The following GLCCI1 variants were observed in gnomAD, a reference collection of about 807,000 sequenced individuals.
The protein encoded by GLCCI1 is glucocorticoid-induced transcript 1 protein.
Under a neutral mutation model 52.2 loss-of-function variants are expected in GLCCI1, and 24 were observed. The ratio of observed to expected loss-of-function variants is 0.46; its 90% CI spans 0.33 to 0.65. The LOEUF (loss-of-function observed/expected upper bound fraction) is 0.65. Among genes scored for constraint, GLCCI1 ranks in the 30% least tolerant of loss-of-function variants. The pLI, the probability that GLCCI1 is intolerant of heterozygous loss-of-function variation, is 0.02. For synonymous variants in GLCCI1, 310 were observed against 276.5 expected (o/e 1.12, Z -1.20); for missense variants, 704 against 701.5 (o/e 1.00, Z -0.04).
chr7:7,993,273 T>A (rs1008633861), intron 1 of GLCCI1, among the ~76,000 whole-genome samples: 1 of 152,272 alleles, frequency 6.6e-6, no homozygotes, highest in African/African-American at 2.4e-5. Flanking sequence ...TCTTCTTGTT[T>A]TTGTAAAATG....
chr7:8,000,196 T>G (rs1347467456), intron 1 of GLCCI1, among the ~76,000 whole-genome samples: 1 of 152,222 alleles, frequency 6.6e-6, no homozygotes, highest in African/African-American at 2.4e-5. Context: ...GGAAGGAATT[T>G]AAAGTAAACT....
intron 1 of GLCCI1, among the ~76,000 whole-genome samples, chr7:7,984,824 C>G (rs1198637097): frequency 1.3e-5 from 2 of 152,128 alleles, no homozygotes; most frequent in African/African-American, 4.8e-5. Context: ...TTTTACAATT[C>G]TGAGGAATGT....
chr7:8,048,573 AGTT>A (rs1217222309), intron 3 of GLCCI1, among the ~76,000 whole-genome samples: 2 of 152,134 alleles, frequency 1.3e-5, no homozygotes, highest in African/African-American at 4.8e-5. Context: ...AGTCTTTCCA[AGTT>A]GTTCCATTAA....
intron 6 of GLCCI1, 86 bp downstream of exon 6, chr7:8,071,217 T>C: frequency 1.9e-6 from 2 of 1,076,056 alleles, no homozygotes; most frequent in Non-Finnish European, 2.7e-6. Context: ...TTTTTTTTTT[T>C]CTTTTGTTCA....
chr7:8,032,024 A>G (rs1781762577), intron 3 of GLCCI1, among the ~76,000 whole-genome samples: 1 of 152,076 alleles, frequency 6.6e-6, no homozygotes, highest in Non-Finnish European at 1.5e-5. Flanking sequence ...TTGAGAAACC[A>G]ATTAGAGAAT....
chr7:8,072,916 T>C (rs1388328143), intron 6 of GLCCI1, among the ~76,000 whole-genome samples: 2 of 152,194 alleles, frequency 1.3e-5, no homozygotes, highest in Non-Finnish European at 2.9e-5. Flanking sequence ...TTTGGTTAAC[T>C]GGTTGTGAGA....
intron 1 of GLCCI1, among the ~76,000 whole-genome samples, chr7:7,970,933 A>AT (rs5882147): frequency 0.99 from 148,315 of 149,318 alleles, 73,658 homozygotes; most frequent in Middle Eastern, 1. Context: ...GGTATGTGGA[A>AT]TTTTTTTTTT....
chr7:7,980,658 CAAG>C, intron 1 of GLCCI1: 3 of 833,928 alleles, frequency 3.6e-6, no homozygotes, highest in South Asian at 1.5e-5. Context: ...GAATTAAGCA[CAAG>C]AAGAAGGGCA....
rs1249291577 is a variant in GLCCI1 at position 8,057,028 on chromosome 7, A to G, written c.813+1479A>G. On this transcript the variant is annotated intron_variant, in intron 4 of 7. Transcript: ENST00000223145. ...TAAAACTAATGATAGGATAGCTAAA[A>G]TGAAAAATACTGACAATACCAAGTG... 3.3e-5 allele frequency among the ~76,000 whole-genome samples: 5 copies of G among 152,244 alleles called. No homozygotes were observed. In the East Asian group the frequency reaches 7.7e-4, roughly 23 times the overall value.
chr7:8,033,921 T>C (rs898858685), intron 3 of GLCCI1, among the ~76,000 whole-genome samples: 73 of 152,216 alleles, frequency 4.8e-4, no homozygotes, highest in African/African-American at 1.7e-3. Flanking sequence ...AAAGTGTGTA[T>C]GGAAATACAA....
At chr7:7,971,112 G>A (rs1170625838) in intron 1 of GLCCI1, among the ~76,000 whole-genome samples, 1 of 152,174 alleles carries the variant, frequency 6.6e-6, no homozygotes, top group Non-Finnish European at 1.5e-5. Context: ...AGGATGTAGT[G>A]CAGTGGGATG....
chr7:8,083,810 C>A (rs1385380648), intron 6 of GLCCI1, among the ~76,000 whole-genome samples: 1 of 152,154 alleles, frequency 6.6e-6, no homozygotes, highest in Non-Finnish European at 1.5e-5. Context: ...TAGTGTGCAT[C>A]AAGGGTCTTC....
At position 8,049,595 on chromosome 7, in the gene GLCCI1, A is replaced by AAACTTACCAGTAATTTAAAAATATATT. The variant is rs530181865; in HGVS notation, c.697-5825_697-5824insTTTAAAAATATATTAACTTACCAGTAA. On this transcript the variant is annotated intron_variant, in intron 3 of 7. Transcript: ENST00000223145. ...ATAAATTGTTTATCAAAAAATATAGAAACTTACCAGTAAGTTAATATACAG... is the reference window on the plus strand; with the variant it reads ...ATAAATTGTTTATCAAAAAATATAGAAACTTACCAGTAATTTAAAAATATATTAACTTACCAGTAAGTTAATATACAG... 3.8e-4 allele frequency among the ~76,000 whole-genome samples: 58 copies of AAACTTACCAGTAATTTAAAAATATATT among 152,328 alleles called. No individual in the cohort carries two copies. In the South Asian group the frequency reaches 0.012, roughly 31 times the overall value.
chr7:7,971,587 ATC>A (rs1780354472), intron 1 of GLCCI1, among the ~76,000 whole-genome samples: 2 of 152,312 alleles, frequency 1.3e-5, no homozygotes, highest in African/African-American at 4.8e-5. Flanking sequence ...CATAATGGCC[ATC>A]TAGTACCTCC....
At chr7:8,026,899 A>G (rs1469836627) in intron 3 of GLCCI1, among the ~76,000 whole-genome samples, 1 of 152,212 alleles carries the variant, frequency 6.6e-6, no homozygotes, top group Non-Finnish European at 1.5e-5. Context: ...ATTCTCCCAG[A>G]TCTTTTTCAA....
chr7:7,971,625 A>C (rs1002295359), intron 1 of GLCCI1, among the ~76,000 whole-genome samples: 11 of 152,210 alleles, frequency 7.2e-5, no homozygotes, highest in Non-Finnish European at 1.6e-4. Flanking sequence ...AAACACTAAC[A>C]TCTTACAACG....
intron 6 of GLCCI1, among the ~76,000 whole-genome samples, chr7:8,079,855 A>G (rs961319102): frequency 4.6e-5 from 7 of 151,648 alleles, no homozygotes; most frequent in Admixed American, 2.0e-4. Flanking sequence ...TATAAATGTA[A>G]GTAATAAAAG....
chr7:7,969,580 A>G lies in GLCCI1; in HGVS notation c.230A>G (p.Gln77Arg). 9.7e-7 allele frequency: 1 copy of G among 1,027,384 alleles called. No homozygotes were observed. The allele number at this position is 1,027,384 out of a possible 1,614,324, so 63.6% of individuals were successfully genotyped here. A position where few individuals can be genotyped will look rare whatever the true frequency, so the allele number is the denominator to read the frequency against. ...CCCTACCAGCTCTTGCGGGGCAGCC[A>G]GCACAGTCCCACGCGTCCGCCCGTC... ...TVPYQLLRGS[Q>R]HSPTRPPVAA... is the part of the protein sequence containing the mutation. Residue 77 changes from glutamine (Q) to arginine (R), a missense_variant, in exon 1 of 8, where the codon CAG (glutamine) becomes CGG (arginine). Gln to Arg is a conservative substitution (Grantham distance 43). Around this residue, in one of 3 missense-constraint regions of GLCCI1, gnomAD observed 547 missense variants for 524.8 expected, o/e 1.04. Coordinates refer to ENST00000223145, the MANE Select transcript of GLCCI1 (RefSeq NM_138426.4). The surrounding 1 kb of genome is among the most constrained non-coding windows in gnomAD (Gnocchi z 4.9).
intron 6 of GLCCI1, among the ~76,000 whole-genome samples, chr7:8,079,237 T>C (rs1207082829): frequency 6.6e-6 from 1 of 151,846 alleles, no homozygotes. Flanking sequence ...ACCACAATTG[T>C]AGGATACCTT....
Sources: allele counts gnomAD v4.1 joint callset (sites outside exome capture counted in the v4.1 genomes callset), GRCh38; gene constraint gnomAD v4.1.1; regional missense constraint gnomAD v4.1.1; non-coding constraint Gnocchi (gnomAD v3.1); transcripts MANE v1.5; gene names NCBI Gene and HGNC (gene_info 2026-07-23, HGNC 2026-07-21).